Variants in CPQ observed in about 807,000 individuals in gnomAD.
CPQ encodes Ser-Met dipeptidase.
Under a neutral mutation model 45.7 loss-of-function variants are expected in CPQ, and 37 were observed. The observed-to-expected ratio is 0.81, with a 90% CI of 0.62 to 1.07. The LOEUF is 1.07. Ranked by LOEUF, CPQ falls within the 50% of genes least tolerant of loss-of-function variation. CPQ has a pLI of 0.00. For missense variants in CPQ, 537 were observed against 572.9 expected (o/e 0.94, Z 0.64); for synonymous variants, 186 against 205.8 (o/e 0.90, Z 0.82).
chr8:96,824,128 AT>A (rs1237331856), intron 2 of CPQ, among the ~76,000 whole-genome samples: 1 of 152,022 alleles, frequency 6.6e-6, no homozygotes, highest in Non-Finnish European at 1.5e-5. Flanking sequence ...GTATGGATGA[AT>A]AATCAGATGA....
chr8:97,006,609 G>C (rs922350866), intron 5 of CPQ, among the ~76,000 whole-genome samples: 5 of 152,078 alleles, frequency 3.3e-5, no homozygotes, highest in Non-Finnish European at 5.9e-5. Context: ...TATATGAATT[G>C]GTTATTACTG....
At chr8:96,927,701 A>G (rs78389983) in intron 4 of CPQ, among the ~76,000 whole-genome samples, 4,633 of 152,264 alleles carry the variant, frequency 0.03, 185 homozygotes, top group African/African-American at 0.094. Flanking sequence ...GGGGTCTCAG[A>G]GACTCTCTCC....
intron 4 of CPQ, among the ~76,000 whole-genome samples, chr8:96,882,799 T>C (rs1812245820): frequency 1.3e-5 from 2 of 152,180 alleles, no homozygotes; most frequent in South Asian, 4.1e-4. Flanking sequence ...GTATAACTTA[T>C]ATAAAATAAA....
intron 5 of CPQ, among the ~76,000 whole-genome samples, chr8:96,995,670 A>G (rs5022011): frequency 2.0e-5 from 3 of 147,076 alleles, no homozygotes; most frequent in Non-Finnish European, 4.5e-5. Flanking sequence ...TTTTTTTTTT[A>G]AAAAAAAAAC....
At chr8:97,138,636 A>G (rs1272646937) in intron 7 of CPQ, among the ~76,000 whole-genome samples, 2 of 152,226 alleles carry the variant, frequency 1.3e-5, no homozygotes, top group African/African-American at 2.4e-5. Flanking sequence ...AGAGGTGAGA[A>G]ATAATAGAAA....
At chr8:96,696,305 T>G (rs1377721044) in intron 1 of CPQ, among the ~76,000 whole-genome samples, 145 of 117,932 alleles carry the variant, frequency 1.2e-3, no homozygotes, top group African/African-American at 3.0e-3. Context: ...GTGGGGGGAG[T>G]GGGGAGGGAT....
chr8:96,879,570 A>G (rs1812192108), intron 3 of CPQ, among the ~76,000 whole-genome samples: 1 of 152,250 alleles, frequency 6.6e-6, no homozygotes, highest in African/African-American at 2.4e-5. Context: ...CAAATTATCA[A>G]ATAATTTACA....
intron 3 of CPQ, among the ~76,000 whole-genome samples, chr8:96,861,601 A>G (rs1164989818): frequency 6.6e-6 from 1 of 152,146 alleles, no homozygotes; most frequent in African/African-American, 2.4e-5. Context: ...CAGAGAACAT[A>G]GTCAACCGTC....
chr8:96,682,014 C>T (rs1246340249), intron 1 of CPQ, among the ~76,000 whole-genome samples: 1 of 152,188 alleles, frequency 6.6e-6, no homozygotes, highest in African/African-American at 2.4e-5. Context: ...TTTGATTTTA[C>T]AGGCTCATAG....
chr8:96,732,500 A>G (rs1809924592), intron 1 of CPQ: 1 of 152,160 alleles, frequency 6.6e-6, no homozygotes, highest in African/African-American at 2.4e-5. Context: ...ATTATCCAAA[A>G]TACCATGACT....
intron 1 of CPQ, among the ~76,000 whole-genome samples, chr8:96,694,055 G>T (rs1388397474): frequency 4.6e-5 from 7 of 152,056 alleles, no homozygotes. Flanking sequence ...AAAATAATGG[G>T]TTATAAGATG....
At chr8:96,985,955 A>G (rs1224683747) in intron 5 of CPQ, among the ~76,000 whole-genome samples, 1 of 152,200 alleles carries the variant, frequency 6.6e-6, no homozygotes, top group Non-Finnish European at 1.5e-5. Context: ...GTTTTTTAGA[A>G]TACTTGAAAC....
At chr8:96,799,093 A>G (rs964954107) in intron 2 of CPQ, among the ~76,000 whole-genome samples, 1 of 152,254 alleles carries the variant, frequency 6.6e-6, no homozygotes, top group Non-Finnish European at 1.5e-5. Context: ...CCAAATAACA[A>G]GAAATTTTGG....
intron 1 of CPQ, among the ~76,000 whole-genome samples, chr8:96,673,604 T>A (rs1408055853): frequency 6.6e-6 from 1 of 152,138 alleles, no homozygotes; most frequent in Non-Finnish European, 1.5e-5. Flanking sequence ...ATGATTTAGT[T>A]CTAGGAAGTC....
intron 1 of CPQ, among the ~76,000 whole-genome samples, chr8:96,733,029 T>C (rs1015810556): frequency 1.3e-5 from 2 of 152,212 alleles, no homozygotes; most frequent in East Asian, 3.9e-4. Context: ...GATATGAGTA[T>C]ACTCATTTCA....
At chr8:96,817,398 C>G (rs1428454294) in intron 2 of CPQ, among the ~76,000 whole-genome samples, 4 of 152,064 alleles carry the variant, frequency 2.6e-5, no homozygotes, top group Non-Finnish European at 5.9e-5. Flanking sequence ...AATGAAAAAG[C>G]TTGAAATATT....
In CPQ at chr8:97,143,146, T is replaced by C; in HGVS notation, c.1382T>C (p.Val461Ala). 1 of 1,614,054 alleles carries C rather than the reference T, an allele frequency of 6.2e-7. No homozygotes were observed. Among genetic ancestry groups the C allele is most frequent in the Admixed American group, 1.7e-5 (1 of 60,002 alleles). Residue 461 changes from valine (V) to alanine (A), a missense_variant, in exon 8 of 8, where the codon GTT becomes GCT. Physicochemically the swap from Val to Ala is moderately conservative, Grantham distance 64. Transcript: ENST00000220763. ...AAAVWAVVSY[V>A]VADMEEMLPR... ...GCTGTTTGGGCTGTTGTTTCTTATGTTGTTGCAGACATGGAAGAAATGCTG... is the reference window on the plus strand; with the variant it reads ...GCTGTTTGGGCTGTTGTTTCTTATGCTGTTGCAGACATGGAAGAAATGCTG...
intron 7 of CPQ, among the ~76,000 whole-genome samples, chr8:97,121,015 G>A (rs1391137187): frequency 1.3e-5 from 2 of 152,158 alleles, no homozygotes; most frequent in African/African-American, 2.4e-5. Context: ...AAGAAATTAA[G>A]GCACAGAGAA....
chr8:96,731,202 T>C (rs746028547), intron 1 of CPQ, among the ~76,000 whole-genome samples: 21 of 152,112 alleles, frequency 1.4e-4, no homozygotes, highest in Non-Finnish European at 2.6e-4. Flanking sequence ...ATTAACTGTA[T>C]GACTTTGGAC....
Sources: allele counts gnomAD v4.1 joint callset (sites outside exome capture counted in the v4.1 genomes callset), GRCh38; gene constraint gnomAD v4.1.1; transcripts MANE v1.5; gene names NCBI Gene and HGNC (gene_info 2026-07-23, HGNC 2026-07-21).